NUP188: variants seen among roughly 807,000 people sequenced by gnomAD.
NUP188 encodes the protein nucleoporin NUP188.
In NUP188, 97 loss-of-function variants were observed where a neutral mutation model predicts 223.0. The observed-to-expected ratio is 0.43, with a 90% CI of 0.37 to 0.51. The LOEUF is 0.51. Ranked by LOEUF, NUP188 falls within the 20% of genes least tolerant of loss-of-function variation. The probability of loss-of-function intolerance (pLI) is 0.00; values close to 1 mark genes in which losing one functional copy is unlikely to be tolerated. For synonymous variants in NUP188, 869 were observed against 828.0 expected, an observed-to-expected ratio of 1.05 and a Z score of -0.85; for missense variants, 1,947 against 2,175.6, an observed-to-expected ratio of 0.89 and a Z score of 2.09.
At chr9:129,004,917 C>T in intron 38 of NUP188, 1 of 582,600 alleles carries the variant, frequency 1.7e-6, no homozygotes, top group Non-Finnish European at 3.1e-6. Flanking sequence ...TACTTAGTGG[C>T]TATAGGGGCT....
chr9:128,952,411 A>G (rs1486641443), intron 2 of NUP188, among the ~76,000 whole-genome samples: 1 of 151,144 alleles, frequency 6.6e-6, no homozygotes, highest in Non-Finnish European at 1.5e-5. Context: ...AAAAAAAAAA[A>G]AAAAAGAAAG....
At chr9:128,955,397 C>T (rs1841854646) in intron 3 of NUP188, among the ~76,000 whole-genome samples, 1 of 152,016 alleles carries the variant, frequency 6.6e-6, no homozygotes, top group South Asian at 2.1e-4. Context: ...GTCTCAAACT[C>T]CTGGCCTCAA....
chr9:128,963,909 T>C (rs1841991699), intron 8 of NUP188, among the ~76,000 whole-genome samples: 1 of 151,610 alleles, frequency 6.6e-6, no homozygotes, highest in Non-Finnish European at 1.5e-5. Context: ...CTCTGCCTCC[T>C]GAGTTCAAGC....
chr9:128,978,346 G>A (rs954027423), intron 12 of NUP188, among the ~76,000 whole-genome samples: 6 of 151,838 alleles, frequency 4.0e-5, no homozygotes, highest in African/African-American at 1.5e-4. Context: ...GGCGGATCAC[G>A]AGGTCAGGAG....
intron 8 of NUP188, among the ~76,000 whole-genome samples, chr9:128,967,553 G>A (rs1397764932): frequency 3.3e-5 from 5 of 151,996 alleles, no homozygotes; most frequent in African/African-American, 1.2e-4. Flanking sequence ...CACTCGGGAG[G>A]CCAAGGTGGG....
chr9:128,978,261 C>G (rs940209500), intron 12 of NUP188, among the ~76,000 whole-genome samples: 26 of 151,882 alleles, frequency 1.7e-4, no homozygotes, highest in Admixed American at 1.6e-3. Context: ...TACCTACTTA[C>G]ATACTTATAT....
At chr9:128,981,229 A>T in intron 14 of NUP188, 35 bp from the exon 15 acceptor site, 1 of 1,606,678 alleles carries the variant, frequency 6.2e-7, no homozygotes, top group Non-Finnish European at 8.5e-7. Context: ...CTTATCCTGG[A>T]GGGAAATGTG....
At chr9:128,969,980 T>G (rs1035627527) in intron 10 of NUP188, among the ~76,000 whole-genome samples, 3 of 151,864 alleles carry the variant, frequency 2.0e-5, no homozygotes, top group African/African-American at 7.3e-5. Context: ...CAGGCTGGAG[T>G]GCAGTGGTGC....
chr9:128,986,111 T>A (rs1842330016), intron 20 of NUP188, among the ~76,000 whole-genome samples: 1 of 152,158 alleles, frequency 6.6e-6, no homozygotes, highest in Non-Finnish European at 1.5e-5. Context: ...AGAGTCCCCA[T>A]TTTTAGTAGA....
chr9:128,993,745 G>T, intron 27 of NUP188, 51 bp downstream of exon 27: 1 of 1,525,424 alleles, frequency 6.6e-7, no homozygotes. Flanking sequence ...TAAAATGGGA[G>T]TAATAATAGC....
At chr9:128,966,284 GTGTT>G (rs949244577) in intron 8 of NUP188, among the ~76,000 whole-genome samples, 11 of 150,386 alleles carry the variant, frequency 7.3e-5, no homozygotes, top group Admixed American at 2.0e-4. Flanking sequence ...GTGTGTGTGT[GTGTT>G]TGTGTGTGTG....
At chr9:128,963,969 C>G (rs1421478224) in intron 8 of NUP188, among the ~76,000 whole-genome samples, 2 of 151,884 alleles carry the variant, frequency 1.3e-5, no homozygotes, top group East Asian at 3.9e-4. Context: ...GGCATGCCAC[C>G]ACGTCCGGCT....
At position 128,950,527 on chromosome 9, in the gene NUP188, C is replaced by CT. The variant is rs200779506; in HGVS notation, c.87+1293dup. ...TGAGCCACTGTGCCTGGTATAAACA[C>CT]TTTTTTTTTGTTCCTAAAACTTTAT... On this transcript the variant is annotated intron_variant, in intron 2 of 43. Coordinates refer to ENST00000372577, the MANE Select transcript of NUP188 (RefSeq NM_015354.3). Among the ~76,000 whole-genome samples the CT allele has an allele frequency of 9.9e-5, 15 of 151,828 alleles. No individual in the cohort carries two copies. The East Asian group carries it at 2.7e-3, about 27-fold the overall frequency.
intron 18 of NUP188, 36 bp from the exon 19 acceptor site, chr9:128,983,438 A>G: frequency 6.2e-7 from 1 of 1,604,408 alleles, no homozygotes; most frequent in Non-Finnish European, 8.5e-7. Context: ...ATACCTGAAG[A>G]TATGTGGGCA....
chr9:128,947,797 T>C lies in NUP188; in HGVS notation c.32+46T>C, dbSNP rs551962785. The C allele has an allele frequency of 3.4e-4, 462 of 1,350,830 alleles. 1 individual carries two copies. Among genetic ancestry groups the C allele is most frequent in the Non-Finnish European group, 3.5e-5 (37 of 1,048,128 alleles). 83.7% of individuals were successfully genotyped at this position (1,350,830 alleles called of 1,614,324 possible). A position where few individuals can be genotyped will look rare whatever the true frequency, so the allele number is the denominator to read the frequency against. ...ACCGGGGTGGCTGTGAAGCGCGGTGTCAAAGCCGAGCGGAAGCGGGGCGGG... is the reference window on the plus strand; with the variant it reads ...ACCGGGGTGGCTGTGAAGCGCGGTGCCAAAGCCGAGCGGAAGCGGGGCGGG... On this transcript the variant is annotated intron_variant, in intron 1 of 43. Coordinates refer to ENST00000372577, the MANE Select transcript of NUP188 (RefSeq NM_015354.3).
At chr9:128,949,124 T>C (rs1841738543) in intron 1 of NUP188, 65 bp from the exon 2 acceptor site, 1 of 1,172,394 alleles carries the variant, frequency 8.5e-7, no homozygotes, top group South Asian at 1.3e-5. Context: ...AAAATGGCTA[T>C]GAGGCAGTGT....
At chr9:128,982,436 A>T in intron 15 of NUP188, 113 bp from the exon 16 acceptor site, 5 of 1,059,370 alleles carry the variant, frequency 4.7e-6, no homozygotes, top group Non-Finnish European at 6.8e-6. Context: ...TCAAAAAAAA[A>T]AAATGTCTGT....
At chr9:128,980,203 T>G (rs901523213) in intron 13 of NUP188, among the ~76,000 whole-genome samples, 1 of 152,208 alleles carries the variant, frequency 6.6e-6, no homozygotes, top group African/African-American at 2.4e-5. Flanking sequence ...TCTGATGTTA[T>G]AGAACCACAG....
At chr9:128,991,286 T>C (rs1842425095) in intron 25 of NUP188, among the ~76,000 whole-genome samples, 1 of 151,644 alleles carries the variant, frequency 6.6e-6, no homozygotes, top group African/African-American at 2.4e-5. Flanking sequence ...ACACCTGTAA[T>C]CCCAGTACTT....
Sources: gnomAD v4.1 joint callset for allele counts (sites outside exome capture counted in the v4.1 genomes callset) on GRCh38, gnomAD v4.1.1 for gene constraint, MANE v1.5 for transcripts, NCBI Gene and HGNC (gene_info 2026-07-23, HGNC 2026-07-21) for gene names.